Variants in PRR16 observed in about 807,000 individuals in gnomAD.
PRR16 encodes the protein proline rich 16, also known as protein Largen.
PRR16 carries 6 observed loss-of-function variants against 18.2 expected under a neutral mutation model. The ratio of observed to expected loss-of-function variants is 0.33; its 90% confidence interval spans 0.18 to 0.65. The LOEUF (loss-of-function observed/expected upper bound fraction) is 0.65, where lower values mean the gene tolerates loss of function less well. Among genes scored for constraint, PRR16 ranks in the 30% least tolerant of loss-of-function variants. PRR16 has a pLI of 0.74. For synonymous variants in PRR16, 151 were observed against 147.8 expected, an observed-to-expected ratio of 1.02 and a Z score of -0.16; for missense variants, 412 against 376.6, an observed-to-expected ratio of 1.09 and a Z score of -0.78.
chr5:120,499,473 A>G (rs540652670), intron 1 of PRR16, among the ~76,000 whole-genome samples: 1 of 151,892 alleles, frequency 6.6e-6, no homozygotes, highest in South Asian at 2.1e-4. Flanking sequence ...TTCACATTGG[A>G]TGATTTCTAC....
At chr5:120,522,848 C>T (rs1357864885) in intron 1 of PRR16, among the ~76,000 whole-genome samples, 1 of 152,160 alleles carries the variant, frequency 6.6e-6, no homozygotes, top group African/African-American at 2.4e-5. Flanking sequence ...GATCTCCTGA[C>T]CTCGTGATCC....
chr5:120,626,343 C>G (rs530552833), intron 1 of PRR16, among the ~76,000 whole-genome samples: 1 of 152,118 alleles, frequency 6.6e-6, no homozygotes, highest in African/African-American at 2.4e-5. Flanking sequence ...CCCACAGAAA[C>G]AGTATGTTAA....
At chr5:120,652,526 T>G (rs1755827446) in intron 1 of PRR16, among the ~76,000 whole-genome samples, 1 of 152,096 alleles carries the variant, frequency 6.6e-6, no homozygotes, top group Admixed American at 6.6e-5. Flanking sequence ...TGATGTGATG[T>G]GTTAAGAATG....
At chr5:120,700,777 C>G in the PRR16 span, among the ~76,000 whole-genome samples, 2 of 152,128 alleles carry the variant, frequency 1.3e-5, no homozygotes, top group African/African-American at 4.8e-5. Context: ...GGCTTGCCTT[C>G]CACTGTGAGA....
chr5:120,535,310 G>T (rs1330767778), intron 1 of PRR16, among the ~76,000 whole-genome samples: 2 of 152,112 alleles, frequency 1.3e-5, no homozygotes. Flanking sequence ...TGGAATTCTT[G>T]TGTACCCAAA....
At chr5:120,469,222 A>G (rs1749192849) in intron 1 of PRR16, among the ~76,000 whole-genome samples, 1 of 152,214 alleles carries the variant, frequency 6.6e-6, no homozygotes, top group African/African-American at 2.4e-5. Flanking sequence ...TTGATGTTCT[A>G]TAGTTTATTG....
intron 1 of PRR16, among the ~76,000 whole-genome samples, chr5:120,505,261 C>A (rs1280420687): frequency 6.6e-6 from 1 of 152,078 alleles, no homozygotes; most frequent in African/African-American, 2.4e-5. Flanking sequence ...CTGAAGGGGT[C>A]TTTAATAAAG....
the PRR16 span, among the ~76,000 whole-genome samples, chr5:120,754,453 TA>T: frequency 1.1e-5 from 1 of 88,860 alleles, no homozygotes; most frequent in South Asian, 3.4e-4. Context: ...ATATATTATA[TA>T]ATATATAGTA....
intron 1 of PRR16, among the ~76,000 whole-genome samples, chr5:120,581,859 G>A (rs1753283250): frequency 6.6e-6 from 1 of 152,060 alleles, no homozygotes; most frequent in African/African-American, 2.4e-5. Context: ...GTTCTAATAT[G>A]ATTTCACTGT....
intron 1 of PRR16, among the ~76,000 whole-genome samples, chr5:120,494,530 G>T (rs1399961695): frequency 6.6e-6 from 1 of 151,930 alleles, no homozygotes; most frequent in African/African-American, 2.4e-5. Flanking sequence ...TCAGATATAG[G>T]GTTTGATAAT....
At chr5:120,484,250 G>A (rs967619723) in intron 1 of PRR16, among the ~76,000 whole-genome samples, 2 of 149,534 alleles carry the variant, frequency 1.3e-5, no homozygotes, top group Admixed American at 1.3e-4. Context: ...AATGATTACC[G>A]ACTCTAGTAC....
the PRR16 span, among the ~76,000 whole-genome samples, chr5:120,771,984 C>G: frequency 6.6e-6 from 1 of 151,874 alleles, no homozygotes; most frequent in African/African-American, 2.4e-5. Flanking sequence ...GTGGATGCCT[C>G]TGAGTGTCAG....
At chr5:120,693,171 A>G in the PRR16 span, among the ~76,000 whole-genome samples, 3 of 152,148 alleles carry the variant, frequency 2.0e-5, no homozygotes, top group Non-Finnish European at 2.9e-5. Context: ...AAAAATATCA[A>G]CTCGAAACAA....
At chr5:120,523,413 T>C (rs78762580) in intron 1 of PRR16, among the ~76,000 whole-genome samples, 2,798 of 152,290 alleles carry the variant, frequency 0.018, 86 homozygotes, top group African/African-American at 0.064. Context: ...AGGCAAGTAC[T>C]GTCTTGAGTT....
At chr5:120,660,300 C>T (rs1348517588) in intron 1 of PRR16, among the ~76,000 whole-genome samples, 4 of 151,998 alleles carry the variant, frequency 2.6e-5, no homozygotes, top group Non-Finnish European at 4.4e-5. Context: ...TTAGTGGCAA[C>T]ATATTTTATA....
chr5:120,687,371 A>G (rs1369141436), downstream of PRR16: 3 of 152,220 alleles, frequency 2.0e-5, no homozygotes, highest in Non-Finnish European at 2.9e-5. Context: ...AACATTCCTC[A>G]ATATGGGCAG....
chr5:120,714,130 A>G, the PRR16 span, among the ~76,000 whole-genome samples: 3 of 152,138 alleles, frequency 2.0e-5, no homozygotes, highest in Non-Finnish European at 4.4e-5. Flanking sequence ...ATGATATTAA[A>G]TCACAATATT....
Position 120,686,838 on chromosome 5 carries a change from A to C in PRR16, c.*129A>C, listed in dbSNP as rs1757144605. The C allele has an allele frequency of 5.7e-6, 4 of 700,324 alleles. No individual in the cohort carries two copies. In the South Asian group the frequency reaches 1.7e-4, roughly 29 times the overall value. The allele number at this position is 700,324 out of a possible 1,614,324, so 43.4% of individuals were successfully genotyped here. A position where few individuals can be genotyped will look rare whatever the true frequency, so the allele number is the denominator to read the frequency against. ...TCCTGCATTCAGCAAAGTGGCATAA[A>C]AATCACCTGGTAAGTATGCAGCACA... On this transcript the variant is annotated 3_prime_UTR_variant, in exon 2 of 2. Transcript: ENST00000407149.
intron 1 of PRR16, among the ~76,000 whole-genome samples, chr5:120,595,130 A>T (rs76349036): frequency 0.059 from 8,923 of 152,218 alleles, 340 homozygotes; most frequent in South Asian, 0.084. Flanking sequence ...TAATTAAACC[A>T]AAGAGCTTGT....
Sources: allele counts gnomAD v4.1 joint callset (sites outside exome capture counted in the v4.1 genomes callset), GRCh38; gene constraint gnomAD v4.1.1; transcripts MANE v1.5; gene names NCBI Gene and HGNC (gene_info 2026-07-23, HGNC 2026-07-21).